MAST4: variants seen among roughly 807,000 people sequenced by gnomAD.
MAST4 encodes the protein microtubule-associated serine/threonine-protein kinase 4.
A neutral mutation model predicts 162.7 loss-of-function variants in MAST4; 89 were observed. The ratio of observed to expected loss-of-function variants is 0.55; its 90% confidence interval spans 0.46 to 0.65. MAST4 has a LOEUF of 0.65. MAST4 is among the 30% of genes least tolerant of loss of function. The probability of loss-of-function intolerance (pLI) is 0.00; values close to 1 mark genes in which losing one functional copy is unlikely to be tolerated. For synonymous variants in MAST4, 1,479 were observed against 1,361.1 expected (o/e 1.09, Z -1.91); for missense variants, 3,153 against 3,374.0 (o/e 0.93, Z 1.62).
At chr5:66,845,085 T>TTATATTTATATATA (rs1554058454) in intron 3 of MAST4, among the ~76,000 whole-genome samples, 3 of 57,972 alleles carry the variant, frequency 5.2e-5, no homozygotes, top group South Asian at 9.5e-4. Flanking sequence ...TCACTAATCT[T>TTATATTTATATATA]TATATATATA....
At chr5:67,026,011 T>C (rs187394437) in intron 4 of MAST4, among the ~76,000 whole-genome samples, 43 of 152,314 alleles carry the variant, frequency 2.8e-4, no homozygotes, top group African/African-American at 9.9e-4. Flanking sequence ...CAGGCTTGAA[T>C]TGGTGCTGCT....
At chr5:66,740,345 G>A (rs1752416137) in intron 1 of MAST4, among the ~76,000 whole-genome samples, 2 of 152,178 alleles carry the variant, frequency 1.3e-5, no homozygotes, top group Non-Finnish European at 2.9e-5. Flanking sequence ...CAGTGAAAAC[G>A]TGCTGTCTCT....
At position 66,690,439 on chromosome 5, in the gene MAST4, G is replaced by A. The variant is rs1035587992; in HGVS notation, c.364-69270G>A. On this transcript the variant is annotated intron_variant, in intron 1 of 28. Transcript: ENST00000403625. ...TTTTCATTGTCCGGGATTAGAAAGG[G>A]CTTGCTGTATTTTTCTTCTAGTTAT... is the stretch of plus-strand genomic sequence containing the variant. Among the ~76,000 whole-genome samples, 3 of 152,144 alleles carry A rather than the reference G, an allele frequency of 2.0e-5. No homozygotes were observed. In the East Asian group the frequency reaches 5.8e-4, roughly 29 times the overall value.
At chr5:66,990,028 C>A (rs370766925) in intron 4 of MAST4, among the ~76,000 whole-genome samples, 3 of 152,182 alleles carry the variant, frequency 2.0e-5, no homozygotes, top group African/African-American at 7.2e-5. Flanking sequence ...TTAGAATTTG[C>A]CAGCTGTTGA....
Position 66,827,670 on chromosome 5 carries a change from G to A in MAST4, c.642+38876G>A, listed in dbSNP as rs16895691. ...GATAACTGGGTTAAGTAAAATCCAG[G>A]AGTTAGTGATTTAAAAAAATGTTTA... On this transcript the variant is annotated intron_variant, in intron 3 of 28. Coordinates refer to ENST00000403625, the MANE Select transcript of MAST4 (RefSeq NM_001164664.2). 4.1e-3 allele frequency among the ~76,000 whole-genome samples: 626 copies of A among 152,262 alleles called. 13 individuals carry two copies. The East Asian group carries it at 0.074, about 18-fold the overall frequency.
At chr5:66,705,113 C>G (rs748509063) in intron 1 of MAST4, among the ~76,000 whole-genome samples, 2 of 152,158 alleles carry the variant, frequency 1.3e-5, no homozygotes, top group Non-Finnish European at 2.9e-5. Context: ...AGAAATGTCC[C>G]GTAAGCCATC....
At chr5:66,693,343 A>G (rs1013603193) in intron 1 of MAST4, among the ~76,000 whole-genome samples, 3 of 152,242 alleles carry the variant, frequency 2.0e-5, no homozygotes, top group Non-Finnish European at 4.4e-5. Context: ...AAAGTGTGGA[A>G]GTTTTATAGG....
intron 26 of MAST4, among the ~76,000 whole-genome samples, chr5:67,160,162 T>C (rs568335528): frequency 6.6e-6 from 1 of 152,288 alleles, no homozygotes; most frequent in South Asian, 2.1e-4. Flanking sequence ...ATATTGTTAA[T>C]TGGTACAGGA....
intron 3 of MAST4, among the ~76,000 whole-genome samples, chr5:66,876,395 T>C (rs1761302654): frequency 6.6e-6 from 1 of 152,026 alleles, no homozygotes; most frequent in Non-Finnish European, 1.5e-5. Flanking sequence ...GCAGTAGTCA[T>C]CGGTTGGGCC....
chr5:67,158,609 T>G (rs1772825079), intron 26 of MAST4, among the ~76,000 whole-genome samples: 2 of 151,992 alleles, frequency 1.3e-5, no homozygotes, highest in Non-Finnish European at 2.9e-5. Context: ...TAAAGAACTC[T>G]AAAACTAATA....
chr5:66,852,476 G>A (rs1297397688), intron 3 of MAST4, among the ~76,000 whole-genome samples: 1 of 152,126 alleles, frequency 6.6e-6, no homozygotes, highest in Admixed American at 6.5e-5. Context: ...AGAGGAAACC[G>A]AGGCTCAGAG....
intron 4 of MAST4, among the ~76,000 whole-genome samples, chr5:67,019,892 A>G (rs967448790): frequency 6.6e-6 from 1 of 152,180 alleles, no homozygotes; most frequent in Admixed American, 6.5e-5. Context: ...CCCCCTCATT[A>G]TAAGATGAGG....
At chr5:66,885,124 C>T (rs1005532619) in intron 3 of MAST4, among the ~76,000 whole-genome samples, 7 of 152,122 alleles carry the variant, frequency 4.6e-5, no homozygotes, top group African/African-American at 1.7e-4. Context: ...TAGCTGGGAT[C>T]TATGTGGAAT....
intron 1 of MAST4, among the ~76,000 whole-genome samples, chr5:66,758,739 A>G (rs189193812): frequency 4.6e-4 from 70 of 152,336 alleles, no homozygotes; most frequent in African/African-American, 1.7e-3. Flanking sequence ...CATGAAAACA[A>G]AACAAATCTC....
chr5:67,144,799 A>G lies in MAST4; in HGVS notation c.2858+3A>G. The G allele has an allele frequency of 6.3e-7, 1 of 1,597,890 alleles. No homozygotes were observed. Among genetic ancestry groups the G allele is most frequent in the Non-Finnish European group, 8.5e-7 (1 of 1,171,278 alleles). On this transcript the variant is annotated splice_donor_region_variant and intron_variant, in intron 22 of 28. Transcript: ENST00000403625. The stretch of plus-strand genomic sequence containing the variant: ...TGGAGTTCAGAATATTCTGAAATGT[A>G]TGTGAAATGCCTCTTAAGTAATATA...
chr5:66,651,076 T>C (rs2149447843), intron 1 of MAST4, among the ~76,000 whole-genome samples: 1 of 152,310 alleles, frequency 6.6e-6, no homozygotes, highest in Non-Finnish European at 1.5e-5. Context: ...GAGCAAAATC[T>C]ATATTATGTT....
intron 4 of MAST4, among the ~76,000 whole-genome samples, chr5:66,904,484 T>G (rs1763214380): frequency 6.6e-6 from 1 of 152,226 alleles, no homozygotes; most frequent in Non-Finnish European, 1.5e-5. Flanking sequence ...AGCAAATAGA[T>G]TCTCCCTGCT....
intron 1 of MAST4, among the ~76,000 whole-genome samples, chr5:66,624,480 A>T (rs4256308): frequency 0.8 from 121,730 of 151,968 alleles, 48,935 homozygotes; most frequent in East Asian, 0.98. Flanking sequence ...TATGCCAAAC[A>T]ACAGATTCAA....
At chr5:66,598,353 G>A (rs1203903579) in intron 1 of MAST4, among the ~76,000 whole-genome samples, 3 of 152,164 alleles carry the variant, frequency 2.0e-5, no homozygotes, top group Non-Finnish European at 4.4e-5. Context: ...ACTCCTCTGA[G>A]GTTCAGTTCC....
Sources: gnomAD v4.1 joint callset for allele counts (sites outside exome capture counted in the v4.1 genomes callset) on GRCh38, gnomAD v4.1.1 for gene constraint, MANE v1.5 for transcripts, NCBI Gene and HGNC (gene_info 2026-07-23, HGNC 2026-07-21) for gene names.